Variants in CEP112 observed in about 807,000 individuals in gnomAD.
CEP112 encodes the protein centrosomal protein of 112 kDa.
In CEP112, 127 loss-of-function variants were observed where a neutral mutation model predicts 153.0. The ratio of observed to expected loss-of-function variants is 0.83; its 90% CI spans 0.72 to 0.96. CEP112 has a LOEUF of 0.96. CEP112 is among the 40% of genes least tolerant of loss of function. The pLI is 0.00. For missense variants in CEP112, 1,089 were observed against 1,101.2 expected (o/e 0.99, Z 0.16); for synonymous variants, 358 against 374.4 (o/e 0.96, Z 0.51).
intron 19 of CEP112, among the ~76,000 whole-genome samples, chr17:65,918,697 G>A (rs2060587131): frequency 6.6e-6 from 1 of 152,164 alleles, no homozygotes; most frequent in African/African-American, 2.4e-5. Context: ...AAGACAATTA[G>A]AATTGTCTTT....
At chr17:65,670,987 A>G (rs1018504326) in intron 24 of CEP112, among the ~76,000 whole-genome samples, 8 of 152,202 alleles carry the variant, frequency 5.3e-5, no homozygotes, top group Admixed American at 1.3e-4. Context: ...ACCCATTATT[A>G]TAAAGAAATG....
chr17:65,685,667 ATTTTT>A (rs556118592), intron 24 of CEP112, among the ~76,000 whole-genome samples: 154 of 105,288 alleles, frequency 1.5e-3, no homozygotes, highest in African/African-American at 5.6e-3. Context: ...AATAGTTCTA[ATTTTT>A]TTTTTTTTTT....
chr17:65,881,012 C>A (rs1337641097), intron 20 of CEP112, among the ~76,000 whole-genome samples: 1 of 152,028 alleles, frequency 6.6e-6, no homozygotes, highest in Non-Finnish European at 1.5e-5. Flanking sequence ...GTCAGGAGAT[C>A]CAGACCATCC....
At chr17:65,797,057 A>AAACAACAACAAC (rs112453406) in intron 21 of CEP112, 2,231 of 149,702 alleles carry the variant, frequency 0.015, 84 homozygotes, top group East Asian at 0.13. Flanking sequence ...TCTGTCTCAA[A>AAACAACAACAAC]AACAACAACA....
intron 21 of CEP112, among the ~76,000 whole-genome samples, chr17:65,776,287 T>C (rs534236062): frequency 2.0e-5 from 3 of 152,192 alleles, no homozygotes; most frequent in East Asian, 1.9e-4. Flanking sequence ...CAGGCTGGAG[T>C]GCAGTGGTGC....
chr17:66,040,514 CAG>C (rs922291321), intron 12 of CEP112, among the ~76,000 whole-genome samples: 31 of 108,224 alleles, frequency 2.9e-4, no homozygotes, highest in Admixed American at 4.9e-4. Flanking sequence ...TTTTTTGAGA[CAG>C]AGTCTTGCTG....
chr17:65,769,382 A>C (rs1470971524), intron 21 of CEP112, among the ~76,000 whole-genome samples: 1 of 149,378 alleles, frequency 6.7e-6, no homozygotes, highest in Non-Finnish European at 1.5e-5. Context: ...CCCTATCAAA[A>C]TTTCAATGAC....
At chr17:65,646,602 G>A (rs2143481317) in intron 24 of CEP112, among the ~76,000 whole-genome samples, 1 of 152,256 alleles carries the variant, frequency 6.6e-6, no homozygotes, top group South Asian at 2.1e-4. Context: ...ACCCAATGAG[G>A]GAAGCATAGA....
intron 20 of CEP112, among the ~76,000 whole-genome samples, chr17:65,864,920 G>C: frequency 2.2e-3 from 1 of 452 alleles, no homozygotes; most frequent in Admixed American, 0.038. Context: ...GCAAGTGTGT[G>C]TGTGTGTGTG....
chr17:66,055,242 C>T (rs968539828), intron 11 of CEP112, among the ~76,000 whole-genome samples: 19 of 152,134 alleles, frequency 1.2e-4, no homozygotes, highest in Non-Finnish European at 4.4e-5. Context: ...CTCAAGAACG[C>T]TTCTTCTAGT....
intron 12 of CEP112, among the ~76,000 whole-genome samples, chr17:66,033,433 A>G (rs975200970): frequency 6.6e-6 from 1 of 152,170 alleles, no homozygotes; most frequent in African/African-American, 2.4e-5. Flanking sequence ...ATCACTCAGA[A>G]TAAGAAGAGA....
intron 16 of CEP112, among the ~76,000 whole-genome samples, chr17:66,020,442 A>C (rs1486971453): frequency 6.6e-6 from 1 of 152,208 alleles, no homozygotes; most frequent in Non-Finnish European, 1.5e-5. Flanking sequence ...GAAGGGCAGA[A>C]TCTATGTCTA....
chr17:65,894,116 T>C (rs1204369213), intron 20 of CEP112, among the ~76,000 whole-genome samples: 2 of 152,144 alleles, frequency 1.3e-5, no homozygotes, highest in African/African-American at 2.4e-5. Flanking sequence ...AGATAATTTC[T>C]GCCAATATTC....
chr17:65,927,043 G>A (rs779372175), intron 19 of CEP112, among the ~76,000 whole-genome samples: 18 of 152,176 alleles, frequency 1.2e-4, no homozygotes, highest in Admixed American at 4.6e-4. Flanking sequence ...TCATGGGGGC[G>A]GATCCGTCAT....
At chr17:66,037,470 A>G (rs1330642489) in intron 12 of CEP112, among the ~76,000 whole-genome samples, 1 of 152,126 alleles carries the variant, frequency 6.6e-6, no homozygotes, top group Non-Finnish European at 1.5e-5. Context: ...ACTACATTGA[A>G]CAATTCTAAC....
At chr17:66,163,802 A>G (rs921570303) in intron 4 of CEP112, among the ~76,000 whole-genome samples, 2 of 152,238 alleles carry the variant, frequency 1.3e-5, no homozygotes, top group Admixed American at 6.5e-5. Context: ...TAAATGTTAA[A>G]ATATAAGCTG....
chr17:65,666,752 G>C (rs1218043035), intron 24 of CEP112, among the ~76,000 whole-genome samples: 2 of 151,842 alleles, frequency 1.3e-5, no homozygotes, highest in Admixed American at 6.6e-5. Flanking sequence ...AACAAATAAT[G>C]GAAAGTTCAA....
At chr17:65,988,097 C>T (rs2063470003) in intron 17 of CEP112, among the ~76,000 whole-genome samples, 1 of 152,156 alleles carries the variant, frequency 6.6e-6, no homozygotes, top group Non-Finnish European at 1.5e-5. Context: ...AAACTCCTAA[C>T]CCGCCTTCCC....
intron 18 of CEP112, among the ~76,000 whole-genome samples, chr17:65,958,280 T>C (rs1406537343): frequency 6.6e-6 from 1 of 152,214 alleles, no homozygotes; most frequent in Non-Finnish European, 1.5e-5. Context: ...CTATTGTTTT[T>C]GTAAGCAAAA....
Sources: allele counts gnomAD v4.1 joint callset (sites outside exome capture counted in the v4.1 genomes callset), GRCh38; gene constraint gnomAD v4.1.1; transcripts MANE v1.5; gene names NCBI Gene and HGNC (gene_info 2026-07-23, HGNC 2026-07-21).